The following TANC2 variants were observed in gnomAD, a reference collection of about 807,000 sequenced individuals.
TANC2 encodes the protein tetratricopeptide repeat, ankyrin repeat and coiled-coil containing 2.
TANC2 carries 26 observed loss-of-function variants against 210.5 expected under a neutral mutation model. The ratio of observed to expected loss-of-function variants is 0.12; its 90% CI spans 0.09 to 0.17. The LOEUF (loss-of-function observed/expected upper bound fraction) is 0.17. Among genes scored for constraint, TANC2 ranks in the 10% least tolerant of loss-of-function variants. The pLI is 1.00. For synonymous variants in TANC2, 931 were observed against 967.1 expected (o/e 0.96, Z 0.69); for missense variants, 2,129 against 2,608.9 (o/e 0.82, Z 4.01).
intron 21 of TANC2, 62 bp from the exon 22 acceptor site, chr17:63,411,449 C>A (rs1393602348): frequency 2.0e-6 from 3 of 1,501,726 alleles, no homozygotes; most frequent in Middle Eastern, 1.9e-4. Context: ...CTTCAGCGTA[C>A]TTCCCCTCCT....
At chr17:63,323,730 CA>C (rs1311058041) in intron 11 of TANC2, among the ~76,000 whole-genome samples, 2 of 152,162 alleles carry the variant, frequency 1.3e-5, no homozygotes, top group African/African-American at 4.8e-5. Flanking sequence ...TCTCATTTTA[CA>C]GATGAAGAAA....
intron 14 of TANC2, among the ~76,000 whole-genome samples, chr17:63,378,453 C>T (rs943026862): frequency 6.6e-6 from 1 of 152,086 alleles, no homozygotes; most frequent in Middle Eastern, 3.4e-3. Context: ...AATCTATTAC[C>T]TCATATAACA....
At chr17:63,100,832 C>T (rs1056756994) in intron 4 of TANC2, among the ~76,000 whole-genome samples, 1 of 152,162 alleles carries the variant, frequency 6.6e-6, no homozygotes, top group African/African-American at 2.4e-5. Context: ...AAGTCAATAA[C>T]ATACCTAATA....
chr17:63,315,074 C>T (rs555150717), intron 10 of TANC2, among the ~76,000 whole-genome samples: 3 of 152,206 alleles, frequency 2.0e-5, no homozygotes, highest in African/African-American at 4.8e-5. Context: ...TTGCTGTTGG[C>T]GTCAGTGTTG....
chr17:63,318,732 A>G lies in TANC2; in HGVS notation c.1442-225A>G, dbSNP rs151003938. Among the ~76,000 whole-genome samples, 110 of 152,230 alleles carry G rather than the reference A, an allele frequency of 7.2e-4. 1 individual carries two copies. The highest frequency in any genetic ancestry group is 2.4e-3 in the African/African-American group (101 of 41,536). On this transcript the variant is annotated intron_variant, in intron 10 of 27. Coordinates refer to ENST00000689528, the Ensembl canonical transcript of TANC2. Reference sequence around the variant, plus strand: ...TGAATGGATATTTTGTATTTCATCTATTCATCAGTTGGTGGGCATTTAGGT... The same window carrying G: ...TGAATGGATATTTTGTATTTCATCTGTTCATCAGTTGGTGGGCATTTAGGT...
chr17:63,352,170 T>G (rs1182478412), intron 13 of TANC2, among the ~76,000 whole-genome samples: 1 of 152,142 alleles, frequency 6.6e-6, no homozygotes, highest in Non-Finnish European at 1.5e-5. Context: ...TTTATAAAAA[T>G]TATTTCCTCC....
chr17:63,078,922 T>C (rs1252673059), intron 3 of TANC2, among the ~76,000 whole-genome samples: 2 of 152,202 alleles, frequency 1.3e-5, no homozygotes, highest in Non-Finnish European at 2.9e-5. Flanking sequence ...GATAGTGTTA[T>C]TTAAGTCTTC....
intron 18 of TANC2, among the ~76,000 whole-genome samples, chr17:63,397,609 C>T (rs1030779606): frequency 5.9e-5 from 9 of 152,166 alleles, no homozygotes; most frequent in Admixed American, 1.3e-4. Context: ...GGTGTAAATA[C>T]TCCCATCATG....
intron 8 of TANC2, among the ~76,000 whole-genome samples, chr17:63,266,812 A>T (rs2043543317): frequency 1.3e-5 from 2 of 152,084 alleles, no homozygotes. Flanking sequence ...GTTGTTAGTA[A>T]TAAGTTGGTA....
At chr17:63,288,197 A>ACT (rs1191489082) in intron 9 of TANC2, among the ~76,000 whole-genome samples, 3 of 151,698 alleles carry the variant, frequency 2.0e-5, no homozygotes, top group African/African-American at 7.3e-5. Flanking sequence ...TCTTCCCAGA[A>ACT]CTCTGTCCCT....
intron 3 of TANC2, among the ~76,000 whole-genome samples, chr17:63,089,980 G>A (rs571411263): frequency 5.9e-5 from 9 of 152,150 alleles, no homozygotes; most frequent in South Asian, 4.2e-4. Flanking sequence ...CATTTTAAGT[G>A]TACATACCAT....
At chr17:63,006,089 A>G (rs151144280) in intron 1 of TANC2, among the ~76,000 whole-genome samples, 19 of 152,202 alleles carry the variant, frequency 1.2e-4, no homozygotes, top group African/African-American at 3.9e-4. Context: ...AGTTGTTCAC[A>G]ATATCTTATT....
At chr17:63,403,542 G>A (rs961031469) in intron 19 of TANC2, among the ~76,000 whole-genome samples, 1 of 152,130 alleles carries the variant, frequency 6.6e-6, no homozygotes, top group Non-Finnish European at 1.5e-5. Flanking sequence ...TAAAAAACAA[G>A]AGATAAAACT....
At chr17:63,198,290 G>T (rs1291385134) in intron 6 of TANC2, among the ~76,000 whole-genome samples, 1 of 152,000 alleles carries the variant, frequency 6.6e-6, no homozygotes, top group African/African-American at 2.4e-5. Flanking sequence ...CTACCTCCTG[G>T]GTTCAATGAT....
intron 12 of TANC2, among the ~76,000 whole-genome samples, chr17:63,343,601 A>C (rs2046309111): frequency 6.6e-6 from 1 of 152,238 alleles, no homozygotes; most frequent in Non-Finnish European, 1.5e-5. Flanking sequence ...TAGTATGGTA[A>C]CTGGAACATA....
intron 1 of TANC2, among the ~76,000 whole-genome samples, chr17:62,986,948 G>A (rs960471659): frequency 6.6e-6 from 1 of 152,168 alleles, no homozygotes; most frequent in East Asian, 1.9e-4. Context: ...GGCCCTGACT[G>A]CAGGTGCATG....
intron 11 of TANC2, among the ~76,000 whole-genome samples, chr17:63,336,281 G>T (rs994268587): frequency 6.6e-6 from 1 of 152,220 alleles, no homozygotes; most frequent in Non-Finnish European, 1.5e-5. Flanking sequence ...TAGTTTAAGT[G>T]ATACAAATGC....
At chr17:63,263,085 C>A (rs1021000496) in intron 8 of TANC2, among the ~76,000 whole-genome samples, 1 of 151,870 alleles carries the variant, frequency 6.6e-6, no homozygotes, top group Non-Finnish European at 1.5e-5. Flanking sequence ...TCCAGTAGAC[C>A]TAGATAACTA....
chr17:63,009,731 C>G (rs770464721), intron 2 of TANC2, 105 bp downstream of exon 2: 2 of 951,940 alleles, frequency 2.1e-6, no homozygotes, highest in African/African-American at 3.3e-5. Context: ...TAACTTAGAA[C>G]TTAAAAGAAA....
Sources: allele counts gnomAD v4.1 joint callset (sites outside exome capture counted in the v4.1 genomes callset), GRCh38; gene constraint gnomAD v4.1.1; transcripts MANE v1.5; gene names NCBI Gene and HGNC (gene_info 2026-07-23, HGNC 2026-07-21).